Variants in KCNIP1 observed in about 807,000 individuals in gnomAD.
KCNIP1 encodes the protein potassium voltage-gated channel interacting protein 1.
KCNIP1 carries 18 observed loss-of-function variants against 33.0 expected under a neutral mutation model. The ratio of observed to expected loss-of-function variants is 0.55; its 90% CI spans 0.38 to 0.81. The LOEUF is 0.81. Among genes scored for constraint, KCNIP1 ranks in the 30% least tolerant of loss-of-function variants. The pLI, the probability that KCNIP1 is intolerant of heterozygous loss-of-function variation, is 0.00. For synonymous variants in KCNIP1, 93 were observed against 98.3 expected (o/e 0.95, Z 0.32); for missense variants, 238 against 271.6 (o/e 0.88, Z 0.87).
intron 1 of KCNIP1, among the ~76,000 whole-genome samples, chr5:170,554,308 C>A (rs1756763402): frequency 6.6e-6 from 1 of 152,174 alleles, no homozygotes; most frequent in Non-Finnish European, 1.5e-5. Context: ...CTCCCTGGAG[C>A]CTCCGAGAGG....
chr5:170,389,449 C>CT (rs1764623838), intron 1 of KCNIP1: 1 of 152,106 alleles, frequency 6.6e-6, no homozygotes, highest in Non-Finnish European at 1.5e-5. Context: ...TCTGAGCACA[C>CT]AGCCTGGAGA....
chr5:170,520,061 C>T (rs952675109), intron 1 of KCNIP1, among the ~76,000 whole-genome samples: 14 of 152,274 alleles, frequency 9.2e-5, no homozygotes, highest in Admixed American at 7.2e-4. Context: ...TGCGACTCTA[C>T]GTGTCAAACA....
chr5:170,535,172 C>T (rs1262720905), intron 1 of KCNIP1, among the ~76,000 whole-genome samples: 4 of 152,136 alleles, frequency 2.6e-5, no homozygotes, highest in African/African-American at 9.7e-5. Context: ...TGTGCCTCAC[C>T]CCCACTGACA....
chr5:170,529,596 G>C (rs1381818342), intron 1 of KCNIP1, among the ~76,000 whole-genome samples: 1 of 152,218 alleles, frequency 6.6e-6, no homozygotes, highest in Non-Finnish European at 1.5e-5. Context: ...CCAAACTCCA[G>C]CCTGAAGGAT....
At chr5:170,457,192 G>C (rs1179402320) in intron 1 of KCNIP1, among the ~76,000 whole-genome samples, 1 of 151,984 alleles carries the variant, frequency 6.6e-6, no homozygotes, top group Non-Finnish European at 1.5e-5. Context: ...CAAATGAAAT[G>C]GACAAATTCT....
rs1174063698 is a variant in KCNIP1 at position 170,462,470 on chromosome 5, CAAAAAATAAT to C, written c.88+108508_88+108517del. On this transcript the variant is annotated intron_variant, in intron 1 of 7. Transcript: ENST00000377360. ...GCAAGGATGGCCATAATAAAAAAAT[CAAAAAATAAT>C]AGACACTGGCATGGATGTGGTGAAC... Among the ~76,000 whole-genome samples, 4 of 152,040 alleles carry C rather than the reference CAAAAAATAAT, an allele frequency of 2.6e-5. No homozygotes were observed. In the East Asian group the frequency reaches 7.7e-4, roughly 29 times the overall value.
At chr5:170,383,595 G>A (rs1764340210) in intron 1 of KCNIP1, 1 of 1,483,140 alleles carries the variant, frequency 6.7e-7, no homozygotes, top group South Asian at 1.2e-5. Flanking sequence ...ATCTTTCTCA[G>A]CCTCGGGGAC....
At chr5:170,550,489 ATGATGG>A (rs1371391547) in intron 1 of KCNIP1, among the ~76,000 whole-genome samples, 4 of 151,796 alleles carry the variant, frequency 2.6e-5, no homozygotes, top group Non-Finnish European at 1.5e-5. Context: ...GGTGATGACA[ATGATGG>A]TGATGATGAT....
chr5:170,703,139 T>A (rs1763156101), intron 1 of KCNIP1, among the ~76,000 whole-genome samples: 1 of 137,688 alleles, frequency 7.3e-6, no homozygotes, highest in Non-Finnish European at 1.5e-5. Context: ...GGGCATCCTG[T>A]CTTCTCCACA....
At chr5:170,466,599 T>C (rs1247560322) in intron 1 of KCNIP1, among the ~76,000 whole-genome samples, 2 of 152,126 alleles carry the variant, frequency 1.3e-5, no homozygotes, top group Non-Finnish European at 2.9e-5. Context: ...GAGTGGCTTA[T>C]AAACCACAGA....
intron 1 of KCNIP1, among the ~76,000 whole-genome samples, chr5:170,435,193 C>A (rs1431798523): frequency 6.6e-6 from 1 of 152,238 alleles, no homozygotes; most frequent in African/African-American, 2.4e-5. Context: ...GCAGCACAGG[C>A]CACAGGCTGG....
At chr5:170,724,332 A>G (rs919498497) in intron 5 of KCNIP1, among the ~76,000 whole-genome samples, 2 of 152,224 alleles carry the variant, frequency 1.3e-5, no homozygotes, top group African/African-American at 4.8e-5. Context: ...ATGAAAGGAA[A>G]CAACTACAAA....
intron 1 of KCNIP1, among the ~76,000 whole-genome samples, chr5:170,359,332 C>G (rs1763439199): frequency 6.6e-6 from 1 of 152,178 alleles, no homozygotes; most frequent in Non-Finnish European, 1.5e-5. Context: ...CAGCTGTTTA[C>G]TGGAATTGTC....
chr5:170,364,211 G>A (rs192749163), intron 1 of KCNIP1, among the ~76,000 whole-genome samples: 91 of 152,090 alleles, frequency 6.0e-4, no homozygotes, highest in Non-Finnish European at 1.1e-3. Context: ...TCTCCATGTT[G>A]CCCAACCTGG....
intron 1 of KCNIP1, among the ~76,000 whole-genome samples, chr5:170,442,821 C>T (rs979384280): frequency 2.0e-5 from 3 of 152,144 alleles, no homozygotes; most frequent in African/African-American, 4.8e-5. Context: ...GGCAGGAACT[C>T]GATCTATTAG....
At chr5:170,533,739 G>A (rs1307961011) in intron 1 of KCNIP1, among the ~76,000 whole-genome samples, 1 of 152,204 alleles carries the variant, frequency 6.6e-6, no homozygotes, top group Non-Finnish European at 1.5e-5. Context: ...GTCTGAAGAT[G>A]CTCACACTTT....
At chr5:170,544,366 T>TATTACATGTTAACATGTACC (rs1271885788) in intron 1 of KCNIP1, among the ~76,000 whole-genome samples, 11 of 152,298 alleles carry the variant, frequency 7.2e-5, no homozygotes, top group Non-Finnish European at 1.3e-4. Flanking sequence ...TAACATGTAC[T>TATTACATGTTAACATGTACC]ATTACATGTT....
chr5:170,360,078 GGA>G (rs1431512594), intron 1 of KCNIP1, among the ~76,000 whole-genome samples: 1 of 152,208 alleles, frequency 6.6e-6, no homozygotes, highest in African/African-American at 2.4e-5. Context: ...CACAGCCCTG[GGA>G]GAAGTGGATC....
intron 1 of KCNIP1, among the ~76,000 whole-genome samples, chr5:170,704,050 T>C (rs1441532438): frequency 7.3e-6 from 1 of 137,596 alleles, no homozygotes; most frequent in Non-Finnish European, 1.5e-5. Context: ...GAGCTTTTTT[T>C]TGCAGTGGTC....
Sources: gnomAD v4.1 joint callset for allele counts (sites outside exome capture counted in the v4.1 genomes callset) on GRCh38, gnomAD v4.1.1 for gene constraint, MANE v1.5 for transcripts, NCBI Gene and HGNC (gene_info 2026-07-23, HGNC 2026-07-21) for gene names.